The following PIWIL4 variants were observed in gnomAD, a reference collection of about 807,000 sequenced individuals.
PIWIL4 encodes piwi-like protein 4.
In PIWIL4, 50 loss-of-function variants were observed where a neutral mutation model predicts 100.9. That is an observed-to-expected ratio of 0.50 (90% CI 0.39 to 0.63). The LOEUF (loss-of-function observed/expected upper bound fraction) is 0.63, where lower values mean the gene tolerates loss of function less well. Ranked by LOEUF, PIWIL4 falls within the 20% of genes least tolerant of loss-of-function variation. The probability of loss-of-function intolerance (pLI) is 0.00; values close to 1 mark genes in which losing one functional copy is unlikely to be tolerated. For missense variants in PIWIL4, 887 were observed against 1,043.3 expected (o/e 0.85, Z 2.06); for synonymous variants, 342 against 367.5 (o/e 0.93, Z 0.79).
intron 5 of PIWIL4, among the ~76,000 whole-genome samples, chr11:94,584,906 A>G (rs1303770829): frequency 6.6e-6 from 1 of 152,154 alleles, no homozygotes; most frequent in African/African-American, 2.4e-5. Context: ...CTCTACCAAA[A>G]ATACAAAATT....
At chr11:94,602,006 A>G (rs752111689) in intron 12 of PIWIL4, 27 bp downstream of exon 12, 5 of 1,582,942 alleles carry the variant, frequency 3.2e-6, no homozygotes, top group Non-Finnish European at 4.3e-6. Context: ...TTTTGTTCAT[A>G]TATTAATTTG....
intron 10 of PIWIL4, among the ~76,000 whole-genome samples, chr11:94,596,445 C>G (rs751466427): frequency 6.6e-6 from 1 of 152,084 alleles, no homozygotes; most frequent in East Asian, 1.9e-4. Context: ...TCAGACTCTG[C>G]AAACGCATAT....
intron 8 of PIWIL4, 29 bp from the exon 9 acceptor site, chr11:94,593,488 CT>C (rs111738403): frequency 0.052 from 83,678 of 1,603,518 alleles, 2,373 homozygotes; most frequent in Middle Eastern, 0.075. Flanking sequence ...TCCATGTTAA[CT>C]TTTTACTTAT....
chr11:94,584,955 A>G (rs1948378087), intron 5 of PIWIL4, among the ~76,000 whole-genome samples: 1 of 152,236 alleles, frequency 6.6e-6, no homozygotes, highest in Non-Finnish European at 1.5e-5. Context: ...AATCCCAGCT[A>G]CTGCGGAGGC....
At position 94,587,213 on chromosome 11, in the gene PIWIL4, G is replaced by A. The variant is rs773346629; in HGVS notation, c.880G>A (p.Glu294Lys). The stretch of plus-strand genomic sequence containing the variant: ...CTTGTCCTGTTTCACCCAGACGTGT[G>A]AGAAGCAGCTAATAGGGCTCATTGT... ...TGLSCFTQTC[E>K]KQLIGLIVLT... The change falls in exon 7 of 20, where the codon GAG (glutamate) becomes AAG (lysine). Residue 294 changes from glutamate to lysine, a missense_variant. By Grantham distance (56) the Glu-to-Lys change is moderately conservative (BLOSUM62 1). This residue lies in a region of PIWIL4 where 741 missense variants were observed against 930.0 expected (regional missense o/e 0.80). Coordinates refer to ENST00000299001, the MANE Select transcript of PIWIL4 (RefSeq NM_152431.3). 5.8e-5 allele frequency: 93 copies of A among 1,614,066 alleles called. No individual in the cohort carries two copies. The highest frequency in any genetic ancestry group is 7.6e-5 in the Non-Finnish European group (90 of 1,180,026).
intron 3 of PIWIL4, among the ~76,000 whole-genome samples, chr11:94,575,523 T>G (rs1369017574): frequency 6.6e-6 from 1 of 152,234 alleles, no homozygotes. Flanking sequence ...ATGCAAATTG[T>G]CAGTATATAT....
rs780857467 is a variant in PIWIL4, at chr11:94,567,411, C to G, written c.-108C>G. ...TTGGTTGTGGATGCTGGACATCCAC[C>G]GCCTCCAGGCAGTTTCGCCGTCACA... On this transcript the variant is annotated 5_prime_UTR_variant, in exon 1 of 20. Coordinates refer to ENST00000299001, the MANE Select transcript of PIWIL4 (RefSeq NM_152431.3). 3 of 1,017,196 alleles carry G rather than the reference C, an allele frequency of 2.9e-6. No homozygotes were observed. Among genetic ancestry groups the G allele is most frequent in the Non-Finnish European group, 4.1e-6 (3 of 732,538 alleles). The allele number at this position is 1,017,196 out of a possible 1,614,324, so 63.0% of individuals were successfully genotyped here.
chr11:94,577,247 TA>T lies in PIWIL4; in HGVS notation c.299-25del, dbSNP rs772629124. The stretch of plus-strand genomic sequence containing the variant: ...TATTAACATGATGTGATTTCCTGAT[TA>T]AAAAATTGTTTTTTGTTTGTCTTCT... On this transcript the variant is annotated intron_variant, in intron 3 of 19. Coordinates refer to ENST00000299001, the MANE Select transcript of PIWIL4 (RefSeq NM_152431.3). 11 of 1,510,928 alleles carry T rather than the reference TA, an allele frequency of 7.3e-6. No homozygotes were observed. In the South Asian group the frequency reaches 9.1e-5, roughly 12 times the overall value. The allele number at this position is 1,510,928 out of a possible 1,614,324, so 93.6% of individuals were successfully genotyped here. A position where few individuals can be genotyped will look rare whatever the true frequency, so the allele number is the denominator to read the frequency against.
intron 4 of PIWIL4, among the ~76,000 whole-genome samples, chr11:94,578,107 C>T (rs1216381854): frequency 2.0e-5 from 3 of 152,104 alleles, no homozygotes; most frequent in Admixed American, 6.6e-5. Context: ...GACCTTTGCT[C>T]TTGATGGGTT....
At chr11:94,585,355 T>A in intron 5 of PIWIL4, 90 bp from the exon 6 acceptor site, 1 of 878,632 alleles carries the variant, frequency 1.1e-6, no homozygotes, top group Non-Finnish European at 1.8e-6. Context: ...TCCTATATAT[T>A]TTTAACATTA....
chr11:94,571,941 C>T (rs1484406265), intron 2 of PIWIL4, among the ~76,000 whole-genome samples: 1 of 152,220 alleles, frequency 6.6e-6, no homozygotes, highest in Non-Finnish European at 1.5e-5. Flanking sequence ...ACATCCTCTC[C>T]AGCACCTGTG....
intron 10 of PIWIL4, 99 bp from the exon 11 acceptor site, chr11:94,597,705 A>C (rs1948574706): frequency 1.3e-6 from 1 of 769,992 alleles, no homozygotes; most frequent in African/African-American, 1.8e-5. Flanking sequence ...GTAGAATTAG[A>C]AGCCAGGAAT....
chr11:94,586,652 C>G (rs12574292), intron 6 of PIWIL4, among the ~76,000 whole-genome samples: 4 of 152,102 alleles, frequency 2.6e-5, no homozygotes, highest in South Asian at 2.1e-4. Flanking sequence ...ATTTCCCCCC[C>G]CTCTTCAGGG....
At chr11:94,608,492 T>C in intron 14 of PIWIL4, 91 bp from the exon 15 acceptor site, 1 of 1,037,970 alleles carries the variant, frequency 9.6e-7, no homozygotes. Context: ...ATTCAGTAAC[T>C]GGAGTCTGTT....
chr11:94,614,300 C>CTTTTTTTTT (rs57731239), intron 15 of PIWIL4, among the ~76,000 whole-genome samples: 5 of 120,144 alleles, frequency 4.2e-5, no homozygotes, highest in East Asian at 2.4e-4. Context: ...TTTTTCTTTT[C>CTTTTTTTTT]TTTTTTTTTT....
intron 10 of PIWIL4, among the ~76,000 whole-genome samples, chr11:94,596,593 T>C (rs1379878601): frequency 6.6e-6 from 1 of 152,192 alleles, no homozygotes; most frequent in Admixed American, 6.5e-5. Flanking sequence ...TTTTCATAGT[T>C]TTTTAATTTC....
In PIWIL4 at chr11:94,601,861, T is replaced by A. The variant is rs1214379081; in HGVS notation, c.1447T>A (p.Ser483Thr). 1 of 1,614,018 alleles carries A rather than the reference T, an allele frequency of 6.2e-7. No individual in the cohort carries two copies. The highest frequency in any genetic ancestry group is 1.3e-5 in the African/African-American group (1 of 74,936). ...AACTTGCAAGATTTTAAATGCACAG[T>A]CTTTGAATACCTGGTTGATTTTATG... The part of the protein sequence containing the change: ...IRTCKILNAQ[S>T]LNTWLILCSD... The change falls in exon 12 of 20, where the codon TCT becomes ACT. Residue 483 changes from serine (S) to threonine (T), a missense_variant. Transcript: ENST00000299001.
At chr11:94,603,961 T>C in intron 12 of PIWIL4, 23 bp from the exon 13 acceptor site, 1 of 1,520,602 alleles carries the variant, frequency 6.6e-7, no homozygotes. Flanking sequence ...TTACATAGCT[T>C]CAAAATTAAT....
intron 15 of PIWIL4, among the ~76,000 whole-genome samples, chr11:94,614,325 G>C (rs1293265193): frequency 1.8e-5 from 1 of 56,944 alleles, no homozygotes; most frequent in Non-Finnish European, 3.4e-5. Flanking sequence ...TTTCCTTTTT[G>C]AGATAGAGTT....
Sources: gnomAD v4.1 joint callset for allele counts (sites outside exome capture counted in the v4.1 genomes callset) on GRCh38, gnomAD v4.1.1 for gene constraint, gnomAD v4.1.1 regional missense constraint, MANE v1.5 for transcripts, NCBI Gene and HGNC (gene_info 2026-07-23, HGNC 2026-07-21) for gene names.